Variants in PDZD4 observed in about 807,000 individuals in gnomAD.
PDZD4 encodes PDZ domain containing 4, also known as PDZ domain-containing protein 4.
Under a neutral mutation model 38.5 loss-of-function variants are expected in PDZD4, and 9 were observed. The ratio of observed to expected loss-of-function variants is 0.23; its 90% CI spans 0.14 to 0.41. The LOEUF (loss-of-function observed/expected upper bound fraction) is 0.41. Among genes scored for constraint, PDZD4 ranks in the 10% least tolerant of loss-of-function variants. The probability of loss-of-function intolerance (pLI) is 1.00; values close to 1 mark genes in which losing one functional copy is unlikely to be tolerated. For synonymous variants in PDZD4, 349 were observed against 315.7 expected (o/e 1.11, Z -1.12); for missense variants, 612 against 722.0 (o/e 0.85, Z 1.75).
chrX:153,811,142 G>GTT (rs372435931), intron 1 of PDZD4, among the ~76,000 whole-genome samples: 3 of 98,122 alleles, frequency 3.1e-5, no homozygotes. Flanking sequence ...CCCAGCTGTT[G>GTT]TTTTTTTTTT....
At position 153,803,753 on chromosome X, in the gene PDZD4, G is replaced by A. The variant is rs1557075448; in HGVS notation, c.1928C>T (p.Ala643Val). Reference sequence around the variant, plus strand: ...CAGCCGATCTCGCACGGGCCGCTTGGCCACGTAGCGGGTTCCGTCGCTGCG... The same window carrying A: ...CAGCCGATCTCGCACGGGCCGCTTGACCACGTAGCGGGTTCCGTCGCTGCG... Reference protein sequence around the residue: ...KVRSDGTRYVAKRPVRDRLLK... With the variant: ...KVRSDGTRYVVKRPVRDRLLK... The change falls in exon 8 of 8, where the codon GCC becomes GTC. Residue 643 changes from alanine (A) to valine (V), a missense_variant. Physicochemically the swap from Ala to Val is moderately conservative, Grantham distance 64. Coordinates refer to ENST00000393758, the MANE Select transcript of PDZD4 (RefSeq NM_001303512.2). 2 of 1,209,014 alleles carry A rather than the reference G, an allele frequency of 1.7e-6. No individual in the cohort carries two copies. Among genetic ancestry groups the A allele is most frequent in the South Asian group, 1.8e-5 (1 of 57,047 alleles).
intron 2 of PDZD4, 144 bp downstream of exon 2, chrX:153,808,198 G>A (rs1392539577): frequency 6.5e-6 from 7 of 1,069,681 alleles, no homozygotes; most frequent in Non-Finnish European, 7.2e-6. Context: ...GAGGCCTGGA[G>A]GTTTTGGAGC....
intron 1 of PDZD4, among the ~76,000 whole-genome samples, chrX:153,810,762 T>C (rs1341153169): frequency 8.9e-6 from 1 of 112,336 alleles, no homozygotes; most frequent in Non-Finnish European, 1.9e-5. Context: ...AAGACAGCTA[T>C]CTGAGGAGAG....
At chrX:153,823,193 G>A (rs1318815037) in intron 1 of PDZD4, among the ~76,000 whole-genome samples, 1 of 108,123 alleles carries the variant, frequency 9.2e-6, no homozygotes, top group Non-Finnish European at 1.9e-5. Context: ...GAGTAGCTGG[G>A]ACTACAGGTG....
At chrX:153,807,396 C>T (rs781888859) in intron 2 of PDZD4, 27 bp from the exon 3 acceptor site, 1 of 1,168,359 alleles carries the variant, frequency 8.6e-7, no homozygotes, top group East Asian at 3.1e-5. Flanking sequence ...GGGGGTCAGA[C>T]CAGCTGGCCA....
Position 153,804,360 on chromosome X carries a change from G to A in PDZD4, c.1321C>T (p.Leu441=), listed in dbSNP as rs148944376. Residue 441 remains leucine (L), a synonymous_variant, in exon 8 of 8, where the codon CTG becomes TTG. Transcript: ENST00000393758. ...AGGTCGTAGAGGCTCTCCTCCTCCA[G>A]CAGCCAGGCCTTCATGCAGCGCTCA... ...LRERCMKAWL[L]EEESLYDLAA... The A allele has an allele frequency of 1.5e-5, 18 of 1,207,100 alleles. No homozygotes were observed. The highest frequency in any genetic ancestry group is 2.0e-5 in the Non-Finnish European group (18 of 894,687).
At chrX:153,830,089 A>C in intron 1 of PDZD4, 150 bp downstream of exon 1, 5 of 555,653 alleles carry the variant, frequency 9.0e-6, no homozygotes, top group Non-Finnish European at 1.0e-5. Flanking sequence ...GCCAACACCC[A>C]ACAGCCCCAG....
intron 1 of PDZD4, chrX:153,829,569 G>C: frequency 3.4e-6 from 1 of 290,762 alleles, no homozygotes; most frequent in Non-Finnish European, 4.6e-6. Context: ...GCACAGGCAA[G>C]AAGCCCCGTT....
chrX:153,824,789 G>A (rs782420262), intron 1 of PDZD4, among the ~76,000 whole-genome samples: 30 of 111,415 alleles, frequency 2.7e-4, no homozygotes, highest in African/African-American at 7.8e-4. Context: ...ACCTGAGGTC[G>A]GGAGTTCAAG....
chrX:153,823,312 G>A (rs1603267238), intron 1 of PDZD4, among the ~76,000 whole-genome samples: 1 of 109,493 alleles, frequency 9.1e-6, no homozygotes, highest in Admixed American at 9.8e-5. Context: ...TCCACCTCCC[G>A]GGTTCAAGCA....
At position 153,803,324 on chromosome X, in the gene PDZD4, G is replaced by A. The variant is rs368917754; in HGVS notation, c.*29C>T. 80 of 1,110,456 alleles carry A rather than the reference G, an allele frequency of 7.2e-5. No homozygotes were observed. The highest frequency in any genetic ancestry group is 8.9e-5 in the Non-Finnish European group (76 of 850,018). 91.5% of individuals were successfully genotyped at this position (1,110,456 alleles called of 1,213,427 possible). A position where few individuals can be genotyped will look rare whatever the true frequency, so the allele number is the denominator to read the frequency against. On this transcript the variant is annotated 3_prime_UTR_variant, in exon 8 of 8. Transcript: ENST00000393758. The stretch of plus-strand genomic sequence containing the variant: ...GGCCGGGGCCCCAGGGGGTTCCCTG[G>A]GCCTGGGCCGTGTACCCGCCCGGGC...
rs372429047 is a variant in PDZD4 at position 153,804,283 on chromosome X, G to C, written c.1398C>G (p.Pro466=). 3 of 1,207,344 alleles carry C rather than the reference G, an allele frequency of 2.5e-6. No homozygotes were observed. Among genetic ancestry groups the C allele is most frequent in the Non-Finnish European group, 3.4e-6 (3 of 894,514 alleles). Residue 466 remains proline (P), a synonymous_variant, in exon 8 of 8, where the codon CCC becomes CCG. Coordinates refer to ENST00000393758, the MANE Select transcript of PDZD4 (RefSeq NM_001303512.2). ...TGGTGCTGTCCTTGTCCGACTTCTCGGGCAGCTCGGAGATGTCGGACAGCT... is the reference window on the plus strand; with the variant it reads ...TGGTGCTGTCCTTGTCCGACTTCTCCGGCAGCTCGGAGATGTCGGACAGCT... ...KHELSDISEL[P]EKSDKDSTSA...
chrX:153,805,017 G>A, intron 7 of PDZD4, 80 bp downstream of exon 7: 1 of 1,123,285 alleles, frequency 8.9e-7, no homozygotes, highest in Non-Finnish European at 1.2e-6. Context: ...CAAGCATTGG[G>A]AGACCCTGCA....
chrX:153,813,545 A>G (rs1439890788), intron 1 of PDZD4, among the ~76,000 whole-genome samples: 3 of 112,895 alleles, frequency 2.7e-5, no homozygotes, highest in African/African-American at 9.6e-5. Flanking sequence ...TGTGCAGTTA[A>G]TGGAGGCGCA....
chrX:153,822,473 T>C (rs1264082269), intron 1 of PDZD4, among the ~76,000 whole-genome samples: 2 of 111,722 alleles, frequency 1.8e-5, no homozygotes, highest in Non-Finnish European at 3.8e-5. Context: ...TTCTCAATGC[T>C]CCAAGCAGCC....
intron 1 of PDZD4, 137 bp from the exon 2 acceptor site, chrX:153,808,732 T>C (rs1190265017): frequency 2.6e-6 from 2 of 761,084 alleles, no homozygotes; most frequent in African/African-American, 4.3e-5. Context: ...ATCTGCTGTC[T>C]GCAGCCCTGG....
intron 1 of PDZD4, among the ~76,000 whole-genome samples, chrX:153,809,447 C>A (rs983760197): frequency 8.9e-6 from 1 of 112,062 alleles, no homozygotes; most frequent in African/African-American, 3.2e-5. Flanking sequence ...ATTAGCCGGG[C>A]GTGGTGGTGG....
chrX:153,808,626 C>A, intron 1 of PDZD4, 31 bp from the exon 2 acceptor site: 1 of 1,121,502 alleles, frequency 8.9e-7, no homozygotes, highest in Non-Finnish European at 1.2e-6. Flanking sequence ...CGTAAGAACC[C>A]TCAAAGGCTT....
intron 1 of PDZD4, among the ~76,000 whole-genome samples, chrX:153,822,687 C>CA (rs2064439174): frequency 1.9e-5 from 2 of 104,863 alleles, no homozygotes; most frequent in South Asian, 8.9e-4. Context: ...GTCTTTCTTT[C>CA]TTTTTTTTCC....
Sources: gnomAD v4.1 joint callset for allele counts (sites outside exome capture counted in the v4.1 genomes callset) on GRCh38, gnomAD v4.1.1 for gene constraint, MANE v1.5 for transcripts, NCBI Gene and HGNC (gene_info 2026-07-23, HGNC 2026-07-21) for gene names.